Variants in CDH5 observed in about 807,000 individuals in gnomAD.
CDH5 encodes cadherin 5.
CDH5 carries 28 observed loss-of-function variants against 62.0 expected under a neutral mutation model. The observed-to-expected ratio is 0.45, with a 90% CI of 0.33 to 0.62. CDH5 has a LOEUF of 0.62. Ranked by LOEUF, CDH5 falls within the 20% of genes least tolerant of loss-of-function variation. The pLI, the probability that CDH5 is intolerant of heterozygous loss-of-function variation, is 0.02. For missense variants in CDH5, 940 were observed against 1,065.1 expected, an observed-to-expected ratio of 0.88 and a Z score of 1.63; for synonymous variants, 464 against 445.8, an observed-to-expected ratio of 1.04 and a Z score of -0.52.
chr16:66,397,197 C>T (rs1438225180), intron 8 of CDH5, among the ~76,000 whole-genome samples: 1 of 152,016 alleles, frequency 6.6e-6, no homozygotes, highest in Non-Finnish European at 1.5e-5. Flanking sequence ...AACCTTATTC[C>T]AGAACCACTT....
In CDH5 at chr16:66,400,858, A is replaced by G. The variant is rs746944846; in HGVS notation, c.1679A>G (p.Asn560Ser). ...VHFLPVVISD[N>S]GMPSRTGTST... The stretch of plus-strand genomic sequence containing the variant: ...TTCCTACCCGTGGTCATCTCAGACA[A>G]TGGGATGCCAAGTCGCACGGGCACC... Residue 560 changes from asparagine (N) to serine (S), a missense_variant, in exon 11 of 12, where the codon AAT becomes AGT. Transcript: ENST00000341529. 10 of 1,614,064 alleles carry G rather than the reference A, an allele frequency of 6.2e-6. No individual in the cohort carries two copies. The African/African-American group carries it at 1.3e-4, about 22-fold the overall frequency.
At position 66,388,061 on chromosome 16, in the gene CDH5, C is replaced by G. The variant is rs571865674; in HGVS notation, c.500-263C>G. ...TCCATTTCTCTCCCTGACCCCAACC[C>G]TCCGCCCCCTCCCTCATTTCCCCAG... On this transcript the variant is annotated intron_variant, in intron 3 of 11. Coordinates refer to ENST00000341529, the MANE Select transcript of CDH5 (RefSeq NM_001795.5). Among the ~76,000 whole-genome samples, 374 of 152,318 alleles carry G rather than the reference C, an allele frequency of 2.5e-3. 1 individual carries two copies. The highest frequency in any genetic ancestry group is 8.7e-3 in the African/African-American group (363 of 41,560).
intron 1 of CDH5, among the ~76,000 whole-genome samples, chr16:66,372,982 C>G (rs1960719637): frequency 6.6e-6 from 1 of 152,216 alleles, no homozygotes; most frequent in Non-Finnish European, 1.5e-5. Flanking sequence ...TGGGACACTG[C>G]AGGTACCTGG....
At chr16:66,392,089 C>A (rs773195958) in intron 6 of CDH5, 47 bp from the exon 7 acceptor site, 1 of 1,610,308 alleles carries the variant, frequency 6.2e-7, no homozygotes. Flanking sequence ...GTGCCACACA[C>A]ATGCTTGGCC....
At chr16:66,398,953 G>A (rs754706360) in intron 10 of CDH5, among the ~76,000 whole-genome samples, 7 of 152,288 alleles carry the variant, frequency 4.6e-5, no homozygotes, top group Admixed American at 2.6e-4. Context: ...AGTCCACGTC[G>A]CCTGCAAGGA....
chr16:66,381,341 A>G (rs1960895225), intron 2 of CDH5, among the ~76,000 whole-genome samples: 1 of 152,084 alleles, frequency 6.6e-6, no homozygotes, highest in Admixed American at 6.5e-5. Context: ...TGTCTATCCT[A>G]AGCCCATCCT....
intron 2 of CDH5, among the ~76,000 whole-genome samples, chr16:66,381,874 A>G (rs565663031): frequency 1.3e-5 from 2 of 152,344 alleles, no homozygotes; most frequent in Admixed American, 6.5e-5. Flanking sequence ...ACAAAGACCA[A>G]ATGACCATAA....
Position 66,374,132 on chromosome 16 carries a change from G to A in CDH5, c.-19-5187G>A, listed in dbSNP as rs141885708. On this transcript the variant is annotated intron_variant, in intron 1 of 11. Transcript: ENST00000341529. ...ATTTCTTTACCTGCAAAATGGGAAC[G>A]CAGACAACTACCTAGAAGGGTTGTT... 1.9e-3 allele frequency among the ~76,000 whole-genome samples: 282 copies of A among 152,278 alleles called. 2 individuals carry two copies. The highest frequency in any genetic ancestry group is 6.4e-3 in the African/African-American group (266 of 41,554).
chr16:66,381,262 C>T (rs767384184), intron 2 of CDH5, among the ~76,000 whole-genome samples: 6 of 152,208 alleles, frequency 3.9e-5, no homozygotes, highest in Admixed American at 2.0e-4. Context: ...TAATGAGGTA[C>T]CTGACCCAAG....
At chr16:66,388,178 C>T (rs1423650933) in intron 3 of CDH5, 146 bp from the exon 4 acceptor site, 3 of 615,968 alleles carry the variant, frequency 4.9e-6, no homozygotes, top group Non-Finnish European at 8.6e-6. Context: ...CATGCAGGCT[C>T]CTCAGAAAAC....
At chr16:66,378,073 A>G (rs1960817554) in intron 1 of CDH5, among the ~76,000 whole-genome samples, 1 of 151,838 alleles carries the variant, frequency 6.6e-6, no homozygotes, top group African/African-American at 2.4e-5. Flanking sequence ...CACCCCACCC[A>G]CCCCTGCTCT....
At chr16:66,384,480 C>G (rs1306568641) in intron 2 of CDH5, among the ~76,000 whole-genome samples, 1 of 151,832 alleles carries the variant, frequency 6.6e-6, no homozygotes, top group African/African-American at 2.4e-5. Context: ...GAGGCAGACT[C>G]AGTAGCTCAT....
At position 66,386,934 on chromosome 16, in the gene CDH5, T is replaced by C. The variant is rs770076572; in HGVS notation, c.336T>C (p.Asn112=). ...CCATTGAGAGGCTGGACCGGGAGAA[T>C]ATCTCAGAGTACCACCTCACTGCTG... ...VFAIERLDRE[N]ISEYHLTAVI... is the part of the protein sequence containing the mutation. The change falls in exon 3 of 12, where the codon AAT becomes AAC. Residue 112 remains asparagine (N), a synonymous_variant. Coordinates refer to ENST00000341529, the MANE Select transcript of CDH5 (RefSeq NM_001795.5). 4 of 1,614,066 alleles carry C rather than the reference T, an allele frequency of 2.5e-6. No individual in the cohort carries two copies. In the Admixed American group the frequency reaches 5.0e-5, roughly 20 times the overall value.
At chr16:66,367,406 C>T (rs1960607067) in intron 1 of CDH5, among the ~76,000 whole-genome samples, 1 of 152,208 alleles carries the variant, frequency 6.6e-6, no homozygotes, top group African/African-American at 2.4e-5. Context: ...GTCAAGGGAG[C>T]TGTAGTCTGG....
chr16:66,379,563 C>T lies in CDH5; in HGVS notation c.210+16C>T, dbSNP rs1178456458. 1 of 1,612,096 alleles carries T rather than the reference C, an allele frequency of 6.2e-7. No individual in the cohort carries two copies. The highest frequency in any genetic ancestry group is 8.5e-7 in the Non-Finnish European group (1 of 1,178,322). On this transcript the variant is annotated intron_variant, in intron 2 of 11. Transcript: ENST00000341529. ...TGTAGGCAAGGTAAGGCTCAAGCCC[C>T]AGGACAGGAGAAGCCATCAGCAGCT... is the stretch of plus-strand genomic sequence containing the variant.
intron 3 of CDH5, among the ~76,000 whole-genome samples, chr16:66,387,964 G>T (rs545555819): frequency 3.4e-4 from 52 of 152,294 alleles, no homozygotes; most frequent in Non-Finnish European, 6.9e-4. Flanking sequence ...GGAGTTCAAG[G>T]GGATGCAAGA....
chr16:66,388,183 G>C, intron 3 of CDH5, 141 bp from the exon 4 acceptor site: 1 of 627,738 alleles, frequency 1.6e-6, no homozygotes, highest in Non-Finnish European at 2.8e-6. Context: ...AGGCTCCTCA[G>C]AAAACAAAAC....
In CDH5 at chr16:66,381,250, T is replaced by A. The variant is rs72786451; in HGVS notation, c.210+1703T>A. Among the ~76,000 whole-genome samples, 1,236 of 152,224 alleles carry A rather than the reference T, an allele frequency of 8.1e-3. 11 individuals are homozygous for A. Among genetic ancestry groups the A allele is most frequent in the African/African-American group, 0.027 (1,140 of 41,542 alleles). On this transcript the variant is annotated intron_variant, in intron 2 of 11. Transcript: ENST00000341529. ...ACAGCTCCCCATATTCCACAACACC[T>A]GTAATGAGGTACCTGACCCAAGCCT...
Position 66,389,435 on chromosome 16 carries a change from G to A in CDH5, c.694G>A (p.Ala232Thr). 6.2e-7 allele frequency: 1 copy of A among 1,613,534 alleles called. No homozygotes were observed. The highest frequency in any genetic ancestry group is 8.5e-7 in the Non-Finnish European group (1 of 1,179,680). The change falls in exon 5 of 12, where the codon GCC becomes ACC. Residue 232 changes from alanine to threonine, a missense_variant. Coordinates refer to ENST00000341529, the MANE Select transcript of CDH5 (RefSeq NM_001795.5). Reference sequence around the variant, plus strand: ...TGAGATCGTGGTGGAAGCGCGAGATGCCCAGGGCCTCCGGGGGGACTCGGG... The same window carrying A: ...TGAGATCGTGGTGGAAGCGCGAGATACCCAGGGCCTCCGGGGGGACTCGGG... ...RYEIVVEARD[A>T]QGLRGDSGTA...
Sources: gnomAD v4.1 joint callset for allele counts (sites outside exome capture counted in the v4.1 genomes callset) on GRCh38, gnomAD v4.1.1 for gene constraint, MANE v1.5 for transcripts, NCBI Gene and HGNC (gene_info 2026-07-23, HGNC 2026-07-21) for gene names.